The following PCSK5 variants were observed in gnomAD, a reference collection of about 807,000 sequenced individuals.
PCSK5 encodes proprotein convertase subtilisin/kexin type 5.
PCSK5 carries 129 observed loss-of-function variants against 233.2 expected under a neutral mutation model. The observed-to-expected ratio is 0.55, with a 90% CI of 0.48 to 0.64. PCSK5 has a LOEUF of 0.64. PCSK5 is among the 30% of genes least tolerant of loss of function. The pLI is 0.00. For missense variants in PCSK5, 2,076 were observed against 2,430.1 expected, an observed-to-expected ratio of 0.85 and a Z score of 3.06; for synonymous variants, 825 against 879.2, an observed-to-expected ratio of 0.94 and a Z score of 1.09.
intron 20 of PCSK5, chr9:76,193,854 C>T (rs1371696971): frequency 6.5e-6 from 1 of 154,590 alleles, no homozygotes; most frequent in African/African-American, 2.4e-5. Context: ...GAAAACTGGA[C>T]CTGAGGGCAT....
chr9:76,256,328 C>T (rs1386299884), intron 24 of PCSK5, among the ~76,000 whole-genome samples: 3 of 152,224 alleles, frequency 2.0e-5, no homozygotes, highest in Non-Finnish European at 2.9e-5. Flanking sequence ...CCTGCTAAGT[C>T]GAGCTGTGAG....
chr9:76,344,194 T>C (rs1314861979), intron 35 of PCSK5, among the ~76,000 whole-genome samples: 4 of 152,186 alleles, frequency 2.6e-5, no homozygotes, highest in African/African-American at 9.7e-5. Context: ...AGCAATGGTT[T>C]CAAATGATAT....
In PCSK5 at chr9:76,174,968, T is replaced by C. The variant is rs1253041107; in HGVS notation, c.1757-18T>C. The stretch of plus-strand genomic sequence containing the variant: ...GGGAAAATTTGGTCATGCTGTGATT[T>C]CATTATTATTTCTCAAGGTAAATTG... On this transcript the variant is annotated intron_variant, in intron 13 of 37. Transcript: ENST00000674117. 6.3e-7 allele frequency: 1 copy of C among 1,583,064 alleles called. No individual in the cohort carries two copies. Among genetic ancestry groups the C allele is most frequent in the African/African-American group, 1.4e-5 (1 of 73,780 alleles).
At chr9:76,195,785 TG>T (rs1214502144) in intron 20 of PCSK5, 2 of 152,184 alleles carry the variant, frequency 1.3e-5, no homozygotes, top group African/African-American at 2.4e-5. Context: ...AATGTTCAGT[TG>T]TTTTTTTGTA....
chr9:76,308,936 G>T (rs1392928016), intron 29 of PCSK5, among the ~76,000 whole-genome samples: 1 of 152,154 alleles, frequency 6.6e-6, no homozygotes, highest in African/African-American at 2.4e-5. Flanking sequence ...ACAAAGAAGT[G>T]GTCAGGTACA....
At position 76,321,514 on chromosome 9, in the gene PCSK5, G is replaced by A; in HGVS notation, c.3977G>A (p.Gly1326Glu). The A allele has an allele frequency of 6.2e-7, 1 of 1,612,462 alleles. No individual in the cohort carries two copies. Among genetic ancestry groups the A allele is most frequent in the Non-Finnish European group, 8.5e-7 (1 of 1,179,486 alleles). The change falls in exon 31 of 38, where the codon GGA becomes GAA. Residue 1326 changes from glycine to glutamate, a missense_variant. By Grantham distance (98) the Gly-to-Glu change is moderately conservative. Transcript: ENST00000674117. ...GCCACCAACTGCCATTCTTGTGAAG[G>A]AGGCCACGTCCTGCACCACGGAGTG... ...GNATNCHSCE[G>E]GHVLHHGVCQ... is the part of the protein sequence containing the mutation.
chr9:75,953,498 G>A (rs781351692), intron 2 of PCSK5, among the ~76,000 whole-genome samples: 2 of 152,156 alleles, frequency 1.3e-5, no homozygotes, highest in Non-Finnish European at 2.9e-5. Context: ...TTGTCCTTTT[G>A]TTTTGGCCAG....
intron 5 of PCSK5, among the ~76,000 whole-genome samples, chr9:76,063,097 T>A (rs1340452005): frequency 6.6e-6 from 1 of 152,036 alleles, no homozygotes; most frequent in Non-Finnish European, 1.5e-5. Flanking sequence ...GACCTCTGGT[T>A]CCATCCATGC....
chr9:76,264,471 C>T (rs1827274960), intron 24 of PCSK5, among the ~76,000 whole-genome samples: 1 of 152,120 alleles, frequency 6.6e-6, no homozygotes, highest in South Asian at 2.1e-4. Context: ...CCTAATTAAA[C>T]TCAAGAACTT....
At chr9:76,272,131 G>C (rs960999881) in intron 24 of PCSK5, among the ~76,000 whole-genome samples, 1 of 152,230 alleles carries the variant, frequency 6.6e-6, no homozygotes, top group East Asian at 1.9e-4. Flanking sequence ...GAGTGTGTAC[G>C]TAGAGTACAC....
Position 76,194,515 on chromosome 9 carries a change from C to T in PCSK5, c.2626+4769C>T, listed in dbSNP as rs894855799. On this transcript the variant is annotated intron_variant, in intron 20 of 37. Transcript: ENST00000674117. ...GGCATGATTGTACCCTTTTAGTTCT[C>T]TTATTTTTCTACTCCTCTGTCCCTC... 13 of 162,404 alleles carry T rather than the reference C, an allele frequency of 8.0e-5. No homozygotes were observed. In the Admixed American group the frequency reaches 8.4e-4, roughly 10 times the overall value. The allele number at this position is 162,404 out of a possible 1,614,324, so 10.1% of individuals were successfully genotyped here. A position where few individuals can be genotyped will look rare whatever the true frequency, so the allele number is the denominator to read the frequency against.
intron 20 of PCSK5, among the ~76,000 whole-genome samples, chr9:76,202,372 C>T (rs12379097): frequency 0.16 from 23,789 of 152,238 alleles, 2,417 homozygotes; most frequent in Non-Finnish European, 0.22. Flanking sequence ...TCATCTTCAT[C>T]TCCTATTCCA....
At chr9:75,904,532 A>G (rs1826179940) in intron 1 of PCSK5, among the ~76,000 whole-genome samples, 1 of 152,250 alleles carries the variant, frequency 6.6e-6, no homozygotes, top group Non-Finnish European at 1.5e-5. Context: ...AAGCACATCT[A>G]AAGATGTATA....
At chr9:76,194,580 G>A in intron 20 of PCSK5, 1 of 315,312 alleles carries the variant, frequency 3.2e-6, no homozygotes, top group South Asian at 2.7e-5. Context: ...TCCACTGAAT[G>A]CTGAGATGAT....
At chr9:75,958,098 G>C (rs1825175420) in intron 2 of PCSK5, among the ~76,000 whole-genome samples, 1 of 152,148 alleles carries the variant, frequency 6.6e-6, no homozygotes, top group South Asian at 2.1e-4. Context: ...CTAACTGGGT[G>C]GTTGTGAAGC....
At chr9:76,152,581 G>C (rs17720330) in intron 10 of PCSK5, among the ~76,000 whole-genome samples, 2,054 of 152,214 alleles carry the variant, frequency 0.013, 24 homozygotes, top group Middle Eastern at 0.044. Flanking sequence ...TTTTCAACCA[G>C]TCAATTCCTT....
Position 76,175,004 on chromosome 9 carries a change from C to G in PCSK5, c.1775C>G (p.Ser592Cys). The change falls in exon 14 of 38, where the codon TCT becomes TGT. Residue 592 changes from serine to cysteine, a missense_variant. Physicochemically the swap from Ser to Cys is moderately radical, Grantham distance 112. Around this residue, in one of 6 missense-constraint regions of PCSK5, gnomAD observed 84 missense variants for 108.8 expected, o/e 0.77. Transcript: ENST00000674117. The part of the protein sequence containing the change: ...FKTPGKLKEW[S>C]LVLYGTSVQP... ...TCTCAAGGTAAATTGAAAGAATGGT[C>G]TTTGGTCCTCTACGGCACCTCCGTG... 1 of 1,609,620 alleles carries G rather than the reference C, an allele frequency of 6.2e-7. No homozygotes were observed. The highest frequency in any genetic ancestry group is 8.5e-7 in the Non-Finnish European group (1 of 1,178,418).
In PCSK5 at chr9:76,190,753, T is replaced by C. The variant is rs928407676; in HGVS notation, c.2626+1007T>C. ...AAACCCAAGGTGTAGAGCTAGGAAA[T>C]GATAGACCTAAGTATAGAACTTAAT... On this transcript the variant is annotated intron_variant, in intron 20 of 37. Transcript: ENST00000674117. Among the ~76,000 whole-genome samples the C allele has an allele frequency of 2.0e-5, 3 of 151,906 alleles. No individual in the cohort carries two copies. In the South Asian group the frequency reaches 6.2e-4, roughly 32 times the overall value.
chr9:76,278,568 G>T, intron 24 of PCSK5, among the ~76,000 whole-genome samples: 1 of 151,400 alleles, frequency 6.6e-6, no homozygotes, highest in South Asian at 2.1e-4. Context: ...AACCAATTCT[G>T]TAACACACAT....
Sources: gnomAD v4.1 joint callset for allele counts (sites outside exome capture counted in the v4.1 genomes callset) on GRCh38, gnomAD v4.1.1 for gene constraint, gnomAD v4.1.1 regional missense constraint, MANE v1.5 for transcripts, NCBI Gene and HGNC (gene_info 2026-07-23, HGNC 2026-07-21) for gene names.